Variants in DMKN observed in about 807,000 individuals in gnomAD.
DMKN encodes the protein dermokine, also known as epidermis-specific secreted protein SK30/SK89.
Under a neutral mutation model 67.6 loss-of-function variants are expected in DMKN, and 58 were observed. The observed-to-expected ratio is 0.86, with a 90% CI of 0.69 to 1.07. The LOEUF (loss-of-function observed/expected upper bound fraction) is 1.07. Among genes scored for constraint, DMKN ranks in the 50% least tolerant of loss-of-function variants. The pLI, the probability that DMKN is intolerant of heterozygous loss-of-function variation, is 0.00. For synonymous variants in DMKN, 240 were observed against 232.3 expected (o/e 1.03, Z -0.30); for missense variants, 596 against 601.5 (o/e 0.99, Z 0.10).
At chr19:35,506,415 T>G in intron 7 of DMKN, 1 of 647,208 alleles carries the variant, frequency 1.5e-6, no homozygotes, top group Non-Finnish European at 2.8e-6. Flanking sequence ...AATCTCAATA[T>G]TCAGACTCTT....
intron 13 of DMKN, chr19:35,499,338 TG>T (rs1469058493): frequency 9.4e-6 from 2 of 211,816 alleles, no homozygotes; most frequent in Non-Finnish European, 1.9e-5. Flanking sequence ...GGGACTTTAT[TG>T]TCATGAGAGA....
intron 6 of DMKN, 35 bp downstream of exon 6, chr19:35,510,149 C>T: frequency 3.2e-6 from 5 of 1,585,656 alleles, no homozygotes; most frequent in South Asian, 1.1e-5. Flanking sequence ...CTTTTCCTTC[C>T]CGCGGTTGGT....
At position 35,511,414 on chromosome 19, in the gene DMKN, G is replaced by T. The variant is rs2070726040; in HGVS notation, c.915C>A (p.Ser305=). The T allele has an allele frequency of 1.3e-6, 2 of 1,592,066 alleles. No homozygotes were observed. Among genetic ancestry groups the T allele is most frequent in the Admixed American group, 1.7e-5 (1 of 57,514 alleles). ...TCCACAGAGGTGCCAAACTCACCCA[G>T]GAGGACTCACTGCCGCTGTCACCTC... The part of the protein sequence containing the change: ...GSRGDSGSES[S]WGSSTGSSSG... The change falls in exon 5 of 16, where the codon TCC becomes TCA. Residue 305 remains serine (S), a synonymous_variant. Coordinates refer to ENST00000339686, the MANE Select transcript of DMKN (RefSeq NM_033317.5).
intron 3 of DMKN, 146 bp from the exon 4 acceptor site, chr19:35,511,959 G>T: frequency 1.2e-6 from 1 of 832,180 alleles, no homozygotes; most frequent in Non-Finnish European, 1.8e-6. Context: ...CTTCCCATCT[G>T]CCTCCTCCCC....
At chr19:35,509,830 C>T in intron 7 of DMKN, 81 bp downstream of exon 7, 1 of 1,529,548 alleles carries the variant, frequency 6.5e-7, no homozygotes. Context: ...GGGGGTTGAG[C>T]AGAGTTGAGT....
At chr19:35,503,271 G>T (rs922825646) in intron 9 of DMKN, 42 of 1,485,186 alleles carry the variant, frequency 2.8e-5, no homozygotes, top group Non-Finnish European at 3.8e-5. Context: ...CTGGATAACA[G>T]CGGAGACGTA....
intron 4 of DMKN, 23 bp from the exon 5 acceptor site, chr19:35,511,616 G>A: frequency 6.2e-7 from 1 of 1,609,952 alleles, no homozygotes; most frequent in East Asian, 2.2e-5. Context: ...AAGGGAGCAG[G>A]GCTGGGATTA....
At chr19:35,506,135 G>T in intron 7 of DMKN, 149 bp from the exon 8 acceptor site, 1 of 1,573,146 alleles carries the variant, frequency 6.4e-7, no homozygotes, top group Non-Finnish European at 8.6e-7. Context: ...CCACAGTATT[G>T]ACTCCACCAA....
At chr19:35,507,410 T>C in intron 7 of DMKN, 1 of 1,514,326 alleles carries the variant, frequency 6.6e-7, no homozygotes, top group African/African-American at 1.4e-5. Context: ...CTTAGCATGC[T>C]TCACCATCCC....
In DMKN at chr19:35,509,981, G is replaced by C. The variant is rs780131571; in HGVS notation, c.988-20C>G. ...TTCACACTGCCGGGGAGAGAAAGGGGAGACTTTCCCTCAGTCCCCTCCCAG... is the reference window on the plus strand; with the variant it reads ...TTCACACTGCCGGGGAGAGAAAGGGCAGACTTTCCCTCAGTCCCCTCCCAG... On this transcript the variant is annotated intron_variant, in intron 6 of 15. Coordinates refer to ENST00000339686, the MANE Select transcript of DMKN (RefSeq NM_033317.5). The C allele has an allele frequency of 4.2e-5, 68 of 1,613,888 alleles. 5 individuals are homozygous for C. The South Asian group carries it at 7.0e-4, about 17-fold the overall frequency.
chr19:35,505,089 G>A (rs868112462), intron 9 of DMKN, among the ~76,000 whole-genome samples: 20 of 150,988 alleles, frequency 1.3e-4, no homozygotes, highest in South Asian at 4.2e-4. Context: ...AGCTTCTGCC[G>A]GGGGTGTGTC....
intron 5 of DMKN, chr19:35,510,474 T>A: frequency 6.4e-7 from 1 of 1,551,568 alleles, no homozygotes; most frequent in Admixed American, 2.0e-5. Context: ...ACGCAATGAT[T>A]TGGAGAACCT....
At position 35,511,437 on chromosome 19, in the gene DMKN, C is replaced by T. The variant is rs367937622; in HGVS notation, c.892G>A (p.Gly298Ser). 5.6e-6 allele frequency: 9 copies of T among 1,607,878 alleles called. No individual in the cohort carries two copies. Among genetic ancestry groups the T allele is most frequent in the African/African-American group, 2.7e-5 (2 of 74,314 alleles). Residue 298 changes from glycine (G) to serine (S), a missense_variant, in exon 5 of 16, where the codon GGT (glycine) becomes AGT (serine). Gly to Ser is a moderately conservative substitution (Grantham distance 56, BLOSUM62 0). Transcript: ENST00000339686. Reference sequence around the variant, plus strand: ...CAGGAGGACTCACTGCCGCTGTCACCTCTGCTGCCACCACTGTTGCCACTG... The same window carrying T: ...CAGGAGGACTCACTGCCGCTGTCACTTCTGCTGCCACCACTGTTGCCACTG... Reference protein sequence around the residue: ...GSSGNSGGSRGDSGSESSWGS... With the variant: ...GSSGNSGGSRSDSGSESSWGS...
intron 13 of DMKN, 165 bp downstream of exon 13, chr19:35,499,793 C>T: frequency 1.5e-6 from 1 of 667,824 alleles, no homozygotes; most frequent in Non-Finnish European, 2.5e-6. Context: ...CAAACTGTCT[C>T]AGGGAACCCG....
chr19:35,501,543 C>T (rs1156830760), intron 11 of DMKN, among the ~76,000 whole-genome samples: 3 of 152,184 alleles, frequency 2.0e-5, no homozygotes, highest in Non-Finnish European at 2.9e-5. Context: ...CACGTAGACA[C>T]GGGAGCAGGC....
intron 10 of DMKN, 117 bp from the exon 11 acceptor site, chr19:35,502,300 G>C (rs1003585354): frequency 9.2e-6 from 9 of 978,150 alleles, no homozygotes; most frequent in Non-Finnish European, 1.5e-5. Flanking sequence ...GTGTGGCTTG[G>C]GGTTGGAGGA....
rs1019565533 is a variant in DMKN, at chr19:35,511,057, T to C, written c.918+354A>G. 5.3e-5 allele frequency among the ~76,000 whole-genome samples: 8 copies of C among 152,170 alleles called. No individual in the cohort carries two copies. In the East Asian group the frequency reaches 1.5e-3, roughly 29 times the overall value. On this transcript the variant is annotated intron_variant, in intron 5 of 15. Coordinates refer to ENST00000339686, the MANE Select transcript of DMKN (RefSeq NM_033317.5). ...CTGGGAGCTTCCCAGACAAGTGTCA[T>C]ATTCTCCCATGTCCCCCTCTTTCTC...
chr19:35,512,834 C>A, intron 1 of DMKN, 44 bp from the exon 2 acceptor site: 1 of 1,589,290 alleles, frequency 6.3e-7, no homozygotes. Flanking sequence ...CATCTCTGAC[C>A]CTGGTAGAGA....
Position 35,502,813 on chromosome 19 carries a change from A to T in DMKN, c.1191+17T>A, listed in dbSNP as rs566034279. The T allele has an allele frequency of 1.9e-6, 3 of 1,614,032 alleles. No individual in the cohort carries two copies. Among genetic ancestry groups the T allele is most frequent in the African/African-American group, 1.3e-5 (1 of 75,020 alleles). On this transcript the variant is annotated intron_variant, in intron 10 of 15. Coordinates refer to ENST00000339686, the MANE Select transcript of DMKN (RefSeq NM_033317.5). ...GGGCCAGGCCCCCAGTTCTTCAAAC[A>T]GCAAGAATTCTCCTACCTCCCAGAG...
Sources: gnomAD v4.1 joint callset for allele counts (sites outside exome capture counted in the v4.1 genomes callset) on GRCh38, gnomAD v4.1.1 for gene constraint, MANE v1.5 for transcripts, NCBI Gene and HGNC (gene_info 2026-07-23, HGNC 2026-07-21) for gene names.